The following TBC1D30 variants were observed in gnomAD, a reference collection of about 807,000 sequenced individuals.
TBC1D30 encodes the protein TBC1 domain family, member 30.
A neutral mutation model predicts 63.2 loss-of-function variants in TBC1D30; 31 were observed. The ratio of observed to expected loss-of-function variants is 0.49; its 90% CI spans 0.37 to 0.66. The LOEUF is 0.66. Among genes scored for constraint, TBC1D30 ranks in the 30% least tolerant of loss-of-function variants. TBC1D30 has a pLI of 0.00. For synonymous variants in TBC1D30, 307 were observed against 361.5 expected (o/e 0.85, Z 1.71); for missense variants, 810 against 953.6 (o/e 0.85, Z 1.98).
In TBC1D30 at chr12:64,836,474, A is replaced by AT. The variant is rs753885072; in HGVS notation, c.595-15dup. ...TTTTTACAAAGCAGTCTTAAGCTTT[A>AT]TCTTTTTTTCTTTAGATTATGATTT... On this transcript the variant is annotated splice_polypyrimidine_tract_variant and intron_variant, in intron 5 of 11. Coordinates refer to ENST00000539867, the MANE Select transcript of TBC1D30 (RefSeq NM_015279.2). 2 of 1,530,190 alleles carry AT rather than the reference A, an allele frequency of 1.3e-6. No individual in the cohort carries two copies. The highest frequency in any genetic ancestry group is 2.4e-5 in the South Asian group (2 of 83,582). The allele number at this position is 1,530,190 out of a possible 1,614,324, so 94.8% of individuals were successfully genotyped here.
At chr12:64,848,317 C>T (rs1876568357) in intron 8 of TBC1D30, among the ~76,000 whole-genome samples, 1 of 151,482 alleles carries the variant, frequency 6.6e-6, no homozygotes, top group Non-Finnish European at 1.5e-5. Context: ...GATACACGTG[C>T]AGAATGTGCA....
chr12:64,865,482 G>A (rs961289582), intron 9 of TBC1D30, among the ~76,000 whole-genome samples: 5 of 151,912 alleles, frequency 3.3e-5, no homozygotes, highest in African/African-American at 1.2e-4. Flanking sequence ...AAAAATATCT[G>A]TGGAAGGATA....
At chr12:64,785,281 T>C (rs924692463) in intron 1 of TBC1D30, among the ~76,000 whole-genome samples, 1 of 152,014 alleles carries the variant, frequency 6.6e-6, no homozygotes, top group Non-Finnish European at 1.5e-5. Flanking sequence ...CTGGAGTAGC[T>C]GGGATTACAG....
upstream of TBC1D30, among the ~76,000 whole-genome samples, chr12:64,778,398 T>C (rs1179440620): frequency 6.6e-6 from 1 of 151,828 alleles, no homozygotes; most frequent in Non-Finnish European, 1.5e-5. Flanking sequence ...AAAAGACAGA[T>C]AACAAAATAA....
intron 2 of TBC1D30, among the ~76,000 whole-genome samples, chr12:64,804,999 G>A (rs1429862985): frequency 2.0e-5 from 3 of 152,136 alleles, no homozygotes; most frequent in East Asian, 1.9e-4. Flanking sequence ...TCAGAAGTTC[G>A]AGACCAGCCT....
At chr12:64,843,012 C>T (rs1189543550) in intron 7 of TBC1D30, among the ~76,000 whole-genome samples, 3 of 152,110 alleles carry the variant, frequency 2.0e-5, no homozygotes, top group Admixed American at 6.6e-5. Context: ...GGCAACTGCC[C>T]CCTGCCCTTT....
At chr12:64,869,915 T>C (rs1400621641) in intron 10 of TBC1D30, among the ~76,000 whole-genome samples, 1 of 152,212 alleles carries the variant, frequency 6.6e-6, no homozygotes, top group Non-Finnish European at 1.5e-5. Context: ...AAGCTTGCTG[T>C]CTCCCGCTTT....
upstream of TBC1D30, among the ~76,000 whole-genome samples, chr12:64,820,404 A>G (rs570581857): frequency 3.3e-5 from 5 of 152,244 alleles, no homozygotes; most frequent in Admixed American, 1.3e-4. Context: ...GGGAGCTCAC[A>G]TCTGTGGGGG....
rs1368787759 is a variant in TBC1D30, at chr12:64,877,001, G to C, written c.*1213G>C. On this transcript the variant is annotated 3_prime_UTR_variant, in exon 12 of 12. Transcript: ENST00000539867. The stretch of plus-strand genomic sequence containing the variant: ...CTTCAGTGCAATAGGTGGGTTTAAT[G>C]CTCTTTGTACACAGATGTATTGGCT... The C allele has an allele frequency of 2.3e-6, 1 of 442,714 alleles. No individual in the cohort carries two copies. Among genetic ancestry groups the C allele is most frequent in the Non-Finnish European group, 4.6e-6 (1 of 219,342 alleles). The allele number at this position is 442,714 out of a possible 1,614,324, so 27.4% of individuals were successfully genotyped here. A position where few individuals can be genotyped will look rare whatever the true frequency, so the allele number is the denominator to read the frequency against.
chr12:64,842,301 GC>G (rs1426978722), intron 7 of TBC1D30, among the ~76,000 whole-genome samples: 2 of 152,164 alleles, frequency 1.3e-5, no homozygotes, highest in Non-Finnish European at 2.9e-5. Context: ...GGAGGTTGCA[GC>G]AGGCCAAGAT....
rs1872199377 is a variant in TBC1D30 at position 64,795,516 on chromosome 12, C to T, written c.643+9471C>T. ...CAACTACTTCTCAACAGCCTTCTCC[C>T]CATATTTCTTGTCAAGCCTCCTGGG... On this transcript the variant is annotated intron_variant, in intron 2 of 12. Transcript: ENST00000542120. Among the ~76,000 whole-genome samples the T allele has an allele frequency of 2.6e-5, 4 of 152,152 alleles. No homozygotes were observed. The South Asian group carries it at 8.3e-4, about 31-fold the overall frequency.
chr12:64,788,186 T>C (rs1490105452), intron 2 of TBC1D30, among the ~76,000 whole-genome samples: 13 of 147,722 alleles, frequency 8.8e-5, no homozygotes, highest in Non-Finnish European at 1.8e-4. Flanking sequence ...AAGAAGGGTG[T>C]GTAGGGGTGT....
intron 8 of TBC1D30, among the ~76,000 whole-genome samples, chr12:64,855,403 T>C (rs1489074545): frequency 6.6e-6 from 1 of 152,202 alleles, no homozygotes; most frequent in East Asian, 1.9e-4. Flanking sequence ...ATTATCTCTT[T>C]GAATAAGTTT....
chr12:64,793,504 A>T (rs955849285), intron 2 of TBC1D30, among the ~76,000 whole-genome samples: 1 of 151,488 alleles, frequency 6.6e-6, no homozygotes, highest in African/African-American at 2.4e-5. Context: ...AAAAAAAAAA[A>T]AAAGAATTAG....
intron 8 of TBC1D30, among the ~76,000 whole-genome samples, chr12:64,844,459 C>A (rs1408234047): frequency 6.6e-6 from 1 of 152,168 alleles, no homozygotes; most frequent in Admixed American, 6.5e-5. Context: ...GCATGCAATG[C>A]ATAATAATCA....
chr12:64,858,015 C>G (rs757571253), intron 8 of TBC1D30, among the ~76,000 whole-genome samples: 2 of 152,210 alleles, frequency 1.3e-5, no homozygotes, highest in Non-Finnish European at 2.9e-5. Context: ...GTCTCTCCTT[C>G]CCTTCTCAAT....
intron 8 of TBC1D30, among the ~76,000 whole-genome samples, chr12:64,844,385 C>T (rs112071655): frequency 0.028 from 4,308 of 151,890 alleles, 185 homozygotes; most frequent in African/African-American, 0.099. Context: ...TTTTTAATTT[C>T]TAATTTTTGT....
intron 2 of TBC1D30, among the ~76,000 whole-genome samples, chr12:64,817,762 C>T (rs192883568): frequency 2.3e-4 from 35 of 152,284 alleles, no homozygotes; most frequent in African/African-American, 7.7e-4. Context: ...CTCTCCTCAA[C>T]AGGGTCAAAA....
chr12:64,774,125 C>T (rs907639241), intron 1 of TBC1D30, among the ~76,000 whole-genome samples: 1 of 152,094 alleles, frequency 6.6e-6, no homozygotes, highest in Admixed American at 6.6e-5. Context: ...CTGAAAAGCA[C>T]ACTGTAAGAA....
Sources: allele counts gnomAD v4.1 joint callset (sites outside exome capture counted in the v4.1 genomes callset), GRCh38; gene constraint gnomAD v4.1.1; transcripts MANE v1.5; gene names NCBI Gene and HGNC (gene_info 2026-07-23, HGNC 2026-07-21).